The following HTR3E variants were observed in gnomAD, a reference collection of about 807,000 sequenced individuals.
HTR3E encodes 5-hydroxytryptamine receptor 3E.
Under a neutral mutation model 38.0 loss-of-function variants are expected in HTR3E, and 38 were observed. That is an observed-to-expected ratio of 1.00 (90% CI 0.77 to 1.31). The LOEUF (loss-of-function observed/expected upper bound fraction) is 1.31. Among genes scored for constraint, HTR3E ranks in the 50% most tolerant of loss-of-function variants. The probability of loss-of-function intolerance (pLI) is 0.00; values close to 1 mark genes in which losing one functional copy is unlikely to be tolerated. For synonymous variants in HTR3E, 210 were observed against 232.9 expected (o/e 0.90, Z 0.89); for missense variants, 547 against 585.2 (o/e 0.93, Z 0.67).
In HTR3E at chr3:184,104,972, G is replaced by T. The variant is rs1712333147; in HGVS notation, c.559+16G>T. On this transcript the variant is annotated intron_variant, in intron 5 of 8. Coordinates refer to ENST00000415389, the MANE Select transcript of HTR3E (RefSeq NM_001256613.2). ...CTCTACACAGGTAAGTTGCAGTGAG[G>T]TCTCAGGGATGGGGTGAATGAGAGC... 5 of 1,605,052 alleles carry T rather than the reference G, an allele frequency of 3.1e-6. No individual in the cohort carries two copies. Among genetic ancestry groups the T allele is most frequent in the Non-Finnish European group, 4.3e-6 (5 of 1,175,758 alleles).
chr3:184,105,501 A>G, intron 6 of HTR3E, 74 bp downstream of exon 6: 2 of 1,483,232 alleles, frequency 1.3e-6, no homozygotes. Flanking sequence ...TCAAATATGT[A>G]TCTCCCAAGT....
At chr3:184,100,260 T>C (rs1391665164) in intron 1 of HTR3E, 15 of 1,362,976 alleles carry the variant, frequency 1.1e-5, no homozygotes, top group Non-Finnish European at 1.4e-5. Context: ...TTAGCTCGTT[T>C]ATTACATGAG....
chr3:184,100,930 GTTTTGT>G (rs75546665), intron 2 of HTR3E, among the ~76,000 whole-genome samples: 9 of 151,134 alleles, frequency 6.0e-5, no homozygotes, highest in East Asian at 2.0e-4. Context: ...CCTCGTTTTT[GTTTTGT>G]TTTTGTTTTT....
At position 184,105,802 on chromosome 3, in the gene HTR3E, A is replaced by G. The variant is rs572362103; in HGVS notation, c.758A>G (p.Asn253Ser). 6.2e-7 allele frequency: 1 copy of G among 1,614,032 alleles called. No individual in the cohort carries two copies. Among genetic ancestry groups the G allele is most frequent in the Admixed American group, 1.7e-5 (1 of 59,986 alleles). ...CGCAGGCCCAGTCTCTATGTCATAA[A>G]CCTTCTCGTGCCCAGTGGCTTTCTG... ...IRRRPSLYVINLLVPSGFLVA... is the reference protein window; with the variant it reads ...IRRRPSLYVISLLVPSGFLVA... The change falls in exon 7 of 9, where the codon AAC becomes AGC. Residue 253 changes from asparagine to serine, a missense_variant. Physicochemically the swap from Asn to Ser is conservative, Grantham distance 46. Coordinates refer to ENST00000415389, the MANE Select transcript of HTR3E (RefSeq NM_001256613.2).
Position 184,105,382 on chromosome 3 carries a change from A to C in HTR3E, c.675A>C (p.Ala225=). The stretch of plus-strand genomic sequence containing the variant: ...TCCTGGGCCTCAGCAAGGCCACCGC[A>C]AAGTTGTCCAGGGGAGGCAACCTGT... ...WELLGLSKAT[A]KLSRGGNLYD... Residue 225 remains alanine, a synonymous_variant, in exon 6 of 9, where the codon GCA becomes GCC. Transcript: ENST00000415389. The C allele has an allele frequency of 6.2e-7, 1 of 1,614,102 alleles. No homozygotes were observed. The highest frequency in any genetic ancestry group is 8.5e-7 in the Non-Finnish European group (1 of 1,180,000).
In HTR3E at chr3:184,106,358, A is replaced by AC. The variant is rs772389313; in HGVS notation, c.1141+15_1141+16insC. 208 of 1,598,124 alleles carry AC rather than the reference A, an allele frequency of 1.3e-4. No homozygotes were observed. In the African/African-American group the frequency reaches 2.0e-3, roughly 15 times the overall value. ...CCACCTGCCCGGTGAGGGAAGTCACATTCCTCTTCCCCCACCTCCACTTCT... is the reference window on the plus strand; with the variant it reads ...CCACCTGCCCGGTGAGGGAAGTCACACTTCCTCTTCCCCCACCTCCACTTCT... On this transcript the variant is annotated intron_variant, in intron 8 of 8. Transcript: ENST00000415389. The surrounding 1 kb of genome is among the most constrained non-coding windows in gnomAD (Gnocchi z 4.1).
intron 4 of HTR3E, 169 bp downstream of exon 4, chr3:184,104,460 C>T: frequency 1.9e-6 from 2 of 1,053,680 alleles, no homozygotes; most frequent in South Asian, 2.0e-5. Context: ...AATCCCAGCA[C>T]TTTGGGAGGC....
At chr3:184,097,642 C>A in intron 1 of HTR3E, 46 bp downstream of exon 1, 1 of 1,420,388 alleles carries the variant, frequency 7.0e-7, no homozygotes, top group Middle Eastern at 1.7e-4. Flanking sequence ...AGGAGGACCT[C>A]TCTCTAGTAG....
At chr3:184,099,558 C>CA (rs1231999364) in intron 1 of HTR3E, among the ~76,000 whole-genome samples, 5 of 150,596 alleles carry the variant, frequency 3.3e-5, no homozygotes, top group African/African-American at 1.2e-4. Flanking sequence ...ACTAAAAATA[C>CA]AAAAAATTAG....
chr3:184,103,141 AG>A (rs1283775623), intron 3 of HTR3E, among the ~76,000 whole-genome samples: 1 of 152,118 alleles, frequency 6.6e-6, no homozygotes, highest in Non-Finnish European at 1.5e-5. Flanking sequence ...GGTGTGTGGG[AG>A]GATGGGGGGA....
In HTR3E at chr3:184,100,519, G is replaced by A; in HGVS notation, c.102G>A (p.Gly34=). 1 of 1,614,046 alleles carries A rather than the reference G, an allele frequency of 6.2e-7. No individual in the cohort carries two copies. The highest frequency in any genetic ancestry group is 1.6e-4 in the Middle Eastern group (1 of 6,062). Residue 34 remains glycine (G), a synonymous_variant, in exon 2 of 9, where the codon GGG becomes GGA. Coordinates refer to ENST00000415389, the MANE Select transcript of HTR3E (RefSeq NM_001256613.2). The part of the protein sequence containing the change: ...RGVTFTINCS[G]FGQHGADPTA... ...TTACTTTCACCATCAATTGCTCAGG[G>A]TTTGGCCAGCACGGGGCGGATCCCA...
intron 3 of HTR3E, among the ~76,000 whole-genome samples, chr3:184,103,527 G>A (rs1181248286): frequency 1.3e-5 from 2 of 151,748 alleles, no homozygotes; most frequent in Non-Finnish European, 2.9e-5. Context: ...TACTCGGGAG[G>A]CTGAGGCAGG....
chr3:184,099,646 G>C (rs1313548783), intron 1 of HTR3E, among the ~76,000 whole-genome samples: 2 of 140,184 alleles, frequency 1.4e-5, no homozygotes, highest in Non-Finnish European at 3.0e-5. Flanking sequence ...CCCGGGAAGC[G>C]GAGCTTGCAG....
Position 184,105,803 on chromosome 3 carries a change from C to A in HTR3E, c.759C>A (p.Asn253Lys), listed in dbSNP as rs183120572. The A allele has an allele frequency of 7.4e-6, 12 of 1,614,096 alleles. No individual in the cohort carries two copies. Among genetic ancestry groups the A allele is most frequent in the Admixed American group, 5.0e-5 (3 of 60,008 alleles). ...GCAGGCCCAGTCTCTATGTCATAAA[C>A]CTTCTCGTGCCCAGTGGCTTTCTGG... ...IRRRPSLYVI[N>K]LLVPSGFLVA... Residue 253 changes from asparagine (N) to lysine (K), a missense_variant, in exon 7 of 9, where the codon AAC becomes AAA. Coordinates refer to ENST00000415389, the MANE Select transcript of HTR3E (RefSeq NM_001256613.2).
In HTR3E at chr3:184,098,653, C is replaced by T. The variant is rs920934963; in HGVS notation, c.67+1057C>T. 2.0e-5 allele frequency among the ~76,000 whole-genome samples: 3 copies of T among 152,164 alleles called. 1 individual carries two copies. The highest frequency in any genetic ancestry group is 4.4e-5 in the Non-Finnish European group (3 of 68,042). Reference sequence around the variant, plus strand: ...GTTGGGAATGGATAAGGCTCAATGTCCTTGGCACAGAGGTTATCAACCATC... The same window carrying T: ...GTTGGGAATGGATAAGGCTCAATGTTCTTGGCACAGAGGTTATCAACCATC... On this transcript the variant is annotated intron_variant, in intron 1 of 8. Transcript: ENST00000415389.
At position 184,106,698 on chromosome 3, in the gene HTR3E, G is replaced by T. The variant is rs747652597; in HGVS notation, c.*5G>T. On this transcript the variant is annotated 3_prime_UTR_variant, in exon 9 of 9. Coordinates refer to ENST00000415389, the MANE Select transcript of HTR3E (RefSeq NM_001256613.2). This position sits in a 1 kb window ranked among gnomAD's most constrained non-coding sequence, Gnocchi z 4.1. ...ATATGCCTCTGGAACACCTAGGCAG[G>T]TGCTCACCTGCCAACTTCAGTCTGG... 5.6e-6 allele frequency: 9 copies of T among 1,613,620 alleles called. No homozygotes were observed. In the Admixed American group the frequency reaches 1.5e-4, roughly 27 times the overall value.
In HTR3E at chr3:184,106,743, G is replaced by A. The variant is rs745698219; in HGVS notation, c.*50G>A. 1.7e-5 allele frequency: 27 copies of A among 1,581,492 alleles called. No individual in the cohort carries two copies. Among genetic ancestry groups the A allele is most frequent in the South Asian group, 3.4e-5 (3 of 88,352 alleles). The stretch of plus-strand genomic sequence containing the variant: ...GTCTGGAGCTTCTCTTGCCTCCAGG[G>A]ACTGGCCAGGTCTCCCCCCTTTCCT... On this transcript the variant is annotated 3_prime_UTR_variant, in exon 9 of 9. Transcript: ENST00000415389. The surrounding 1 kb of genome is among the most constrained non-coding windows in gnomAD (Gnocchi z 4.1).
chr3:184,100,247 T>C (rs1162671458), intron 1 of HTR3E: 24 of 1,358,710 alleles, frequency 1.8e-5, no homozygotes, highest in Admixed American at 2.4e-5. Context: ...TATTGCACCT[T>C]AGTTAGCTCG....
At chr3:184,100,432 T>C (rs761165191) in intron 1 of HTR3E, 53 bp from the exon 2 acceptor site, 1 of 1,612,948 alleles carries the variant, frequency 6.2e-7, no homozygotes, top group Admixed American at 1.7e-5. Context: ...CCCTCTCATA[T>C]AGGGAGCACA....
Sources: gnomAD v4.1 joint callset for allele counts (sites outside exome capture counted in the v4.1 genomes callset) on GRCh38, gnomAD v4.1.1 for gene constraint, Gnocchi (gnomAD v3.1) non-coding constraint, MANE v1.5 for transcripts, NCBI Gene and HGNC (gene_info 2026-07-23, HGNC 2026-07-21) for gene names.